Variants in DLG2 observed in about 807,000 individuals in gnomAD.
The protein encoded by DLG2 is discs large MAGUK scaffold protein 2.
DLG2 carries 45 observed loss-of-function variants against 132.5 expected under a neutral mutation model. That is an observed-to-expected ratio of 0.34 (90% CI 0.27 to 0.44). The LOEUF is 0.44. DLG2 is among the 20% of genes least tolerant of loss of function. The pLI is 1.00. For synonymous variants in DLG2, 424 were observed against 419.6 expected, an observed-to-expected ratio of 1.01 and a Z score of -0.13; for missense variants, 1,045 against 1,196.9, an observed-to-expected ratio of 0.87 and a Z score of 1.87.
chr11:85,395,668 G>A (rs957951844), intron 3 of DLG2, among the ~76,000 whole-genome samples: 8 of 152,156 alleles, frequency 5.3e-5, no homozygotes, highest in Admixed American at 4.6e-4. Flanking sequence ...ACAGCAGTCT[G>A]AGATTGACCT....
chr11:84,802,070 G>A lies in DLG2; in HGVS notation c.358-267339C>T, dbSNP rs542969552. Among the ~76,000 whole-genome samples the A allele has an allele frequency of 2.0e-5, 3 of 151,332 alleles. No individual in the cohort carries two copies. In the East Asian group the frequency reaches 5.8e-4, roughly 29 times the overall value. The stretch of plus-strand genomic sequence containing the variant: ...TTTAGGTGATCATTTAATGTTTTAG[G>A]GATTGGGAAGCACAGCTTACTTTTA... On this transcript the variant is annotated intron_variant, in intron 6 of 27. Coordinates refer to ENST00000376104, the MANE Select transcript of DLG2 (RefSeq NM_001142699.3).
intron 17 of DLG2, among the ~76,000 whole-genome samples, chr11:83,801,602 C>T (rs749374662): frequency 1.3e-5 from 2 of 152,142 alleles, no homozygotes; most frequent in African/African-American, 2.4e-5. Context: ...CCTAGCTTTT[C>T]TCATCTTTGA....
chr11:83,680,095 T>C (rs961714854), intron 18 of DLG2, among the ~76,000 whole-genome samples: 1 of 152,198 alleles, frequency 6.6e-6, no homozygotes, highest in African/African-American at 2.4e-5. Context: ...GTAAATTTAA[T>C]TGGGAATAAC....
At chr11:83,695,952 T>C (rs2081853158) in intron 18 of DLG2, among the ~76,000 whole-genome samples, 1 of 151,784 alleles carries the variant, frequency 6.6e-6, no homozygotes, top group South Asian at 2.1e-4. Context: ...AGGAGAGAAA[T>C]GAGAGGCAGG....
In DLG2 at chr11:84,516,767, G is replaced by T. The variant is rs538272475; in HGVS notation, c.519+17803C>A. On this transcript the variant is annotated intron_variant, in intron 7 of 27. Coordinates refer to ENST00000376104, the MANE Select transcript of DLG2 (RefSeq NM_001142699.3). Reference sequence around the variant, plus strand: ...ACAAGAACATGATATATAAAAAAAAGAAAAAAAGAAACTACAGAACAATAT... The same window carrying T: ...ACAAGAACATGATATATAAAAAAAATAAAAAAAGAAACTACAGAACAATAT... Among the ~76,000 whole-genome samples, 5 of 150,376 alleles carry T rather than the reference G, an allele frequency of 3.3e-5. No homozygotes were observed. The East Asian group carries it at 9.7e-4, about 29-fold the overall frequency.
At chr11:83,802,561 G>A (rs188432417) in intron 17 of DLG2, among the ~76,000 whole-genome samples, 1 of 151,944 alleles carries the variant, frequency 6.6e-6, no homozygotes, top group African/African-American at 2.4e-5. Context: ...GTTTTTTTGT[G>A]ATTTCTGGGT....
At chr11:84,733,106 T>C (rs2063363307) in intron 6 of DLG2, among the ~76,000 whole-genome samples, 1 of 152,206 alleles carries the variant, frequency 6.6e-6, no homozygotes, top group Admixed American at 6.5e-5. Context: ...AACATATGTG[T>C]GCATGTGTCT....
intron 21 of DLG2, among the ~76,000 whole-genome samples, chr11:83,515,778 T>C (rs1371903398): frequency 2.0e-5 from 3 of 152,260 alleles, no homozygotes; most frequent in East Asian, 3.8e-4. Context: ...CATTTCGTTA[T>C]GTACCTAGTA....
chr11:85,133,058 G>A, intron 5 of DLG2: 1 of 342,590 alleles, frequency 2.9e-6, no homozygotes, highest in Non-Finnish European at 5.8e-6. Context: ...CTCCGTGGCT[G>A]CATGGTCTTT....
At chr11:84,656,409 C>T (rs1186827241) in intron 6 of DLG2, among the ~76,000 whole-genome samples, 1 of 152,070 alleles carries the variant, frequency 6.6e-6, no homozygotes. Flanking sequence ...AAATGTGAAT[C>T]AGCAAAACAA....
chr11:84,045,668 C>A (rs1319273559), intron 11 of DLG2, among the ~76,000 whole-genome samples: 12 of 151,536 alleles, frequency 7.9e-5, no homozygotes, highest in Admixed American at 7.3e-4. Context: ...TCTGTATATC[C>A]AATTCTGTGT....
At chr11:85,076,519 T>C (rs1419689943) in intron 6 of DLG2, among the ~76,000 whole-genome samples, 2 of 152,012 alleles carry the variant, frequency 1.3e-5, no homozygotes, top group African/African-American at 2.4e-5. Context: ...TTAAGAGTGA[T>C]GCCATGTGTC....
intron 6 of DLG2, among the ~76,000 whole-genome samples, chr11:85,036,073 C>T (rs2061412898): frequency 6.6e-6 from 1 of 152,204 alleles, no homozygotes; most frequent in South Asian, 2.1e-4. Context: ...ATTACTTAGT[C>T]TTAGCTTCCT....
intron 6 of DLG2, among the ~76,000 whole-genome samples, chr11:84,725,922 C>A (rs536912061): frequency 1.3e-5 from 2 of 151,986 alleles, no homozygotes; most frequent in East Asian, 3.9e-4. Flanking sequence ...TTATACTGAA[C>A]AATTCTAAAT....
At chr11:84,081,613 A>G (rs191976227) in intron 10 of DLG2, among the ~76,000 whole-genome samples, 3 of 152,164 alleles carry the variant, frequency 2.0e-5, no homozygotes, top group Admixed American at 2.0e-4. Flanking sequence ...GCTCAGAAAG[A>G]TGGTTTCATC....
intron 6 of DLG2, among the ~76,000 whole-genome samples, chr11:84,685,014 A>G (rs1457336125): frequency 6.6e-6 from 1 of 152,200 alleles, no homozygotes; most frequent in Admixed American, 6.5e-5. Context: ...ATTCTTACTT[A>G]GACAGTATCT....
intron 10 of DLG2, among the ~76,000 whole-genome samples, chr11:84,073,768 A>C (rs2096788012): frequency 6.6e-6 from 1 of 152,198 alleles, no homozygotes; most frequent in Admixed American, 6.5e-5. Context: ...GTCTGAACTC[A>C]AGTATACCAT....
intron 7 of DLG2, among the ~76,000 whole-genome samples, chr11:84,255,480 C>T (rs377572214): frequency 2.0e-5 from 3 of 152,058 alleles, no homozygotes; most frequent in Non-Finnish European, 4.4e-5. Flanking sequence ...CCTGCCACCA[C>T]GCCTGGCTAA....
intron 3 of DLG2, among the ~76,000 whole-genome samples, chr11:85,492,506 C>A (rs2093584143): frequency 6.6e-6 from 1 of 152,176 alleles, no homozygotes. Flanking sequence ...CCCCACTCAT[C>A]TGTATTTCTG....
Sources: gnomAD v4.1 joint callset for allele counts (sites outside exome capture counted in the v4.1 genomes callset) on GRCh38, gnomAD v4.1.1 for gene constraint, MANE v1.5 for transcripts, NCBI Gene and HGNC (gene_info 2026-07-23, HGNC 2026-07-21) for gene names.